DNM3: variants seen among roughly 807,000 people sequenced by gnomAD.
DNM3 encodes the protein dynamin-3.
DNM3 carries 47 observed loss-of-function variants against 101.6 expected under a neutral mutation model. That is an observed-to-expected ratio of 0.46 (90% CI 0.37 to 0.59). DNM3 has a LOEUF of 0.59. Ranked by LOEUF, DNM3 falls within the 20% of genes least tolerant of loss-of-function variation. The probability of loss-of-function intolerance (pLI) is 0.00; values close to 1 mark genes in which losing one functional copy is unlikely to be tolerated. For synonymous variants in DNM3, 385 were observed against 387.9 expected, an observed-to-expected ratio of 0.99 and a Z score of 0.09; for missense variants, 849 against 1,085.7, an observed-to-expected ratio of 0.78 and a Z score of 3.06.
At chr1:172,329,949 C>G (rs575646474) in intron 17 of DNM3, among the ~76,000 whole-genome samples, 178 of 152,222 alleles carry the variant, frequency 1.2e-3, no homozygotes, top group African/African-American at 4.0e-3. Flanking sequence ...CATGATTGGG[C>G]TTTCAGATTA....
At chr1:172,053,681 G>C (rs568501126) in intron 10 of DNM3, among the ~76,000 whole-genome samples, 1 of 152,036 alleles carries the variant, frequency 6.6e-6, no homozygotes, top group African/African-American at 2.4e-5. Context: ...ATATATACTT[G>C]GTTTTAAAAT....
intron 2 of DNM3, among the ~76,000 whole-genome samples, chr1:171,930,897 A>G (rs1571678346): frequency 6.6e-6 from 1 of 152,194 alleles, no homozygotes; most frequent in East Asian, 1.9e-4. Context: ...GTGATGAACA[A>G]TCCAAAAACG....
intron 20 of DNM3, among the ~76,000 whole-genome samples, chr1:172,400,393 G>A (rs2070384057): frequency 6.6e-6 from 1 of 152,072 alleles, no homozygotes; most frequent in East Asian, 1.9e-4. Context: ...AAGGAGGGGG[G>A]ATAGAAGGGA....
intron 20 of DNM3, among the ~76,000 whole-genome samples, chr1:172,391,925 G>A (rs1284040636): frequency 6.6e-6 from 1 of 152,126 alleles, no homozygotes; most frequent in East Asian, 1.9e-4. Context: ...GATAATTCAC[G>A]ACTTCATTAG....
intron 14 of DNM3, among the ~76,000 whole-genome samples, chr1:172,213,675 A>G (rs1262967242): frequency 6.6e-6 from 1 of 151,924 alleles, no homozygotes; most frequent in African/African-American, 2.4e-5. Flanking sequence ...TGAAAAAGCA[A>G]AAAATTAGCG....
chr1:172,074,302 A>ACAT (rs1332894861), intron 11 of DNM3, among the ~76,000 whole-genome samples: 1 of 152,008 alleles, frequency 6.6e-6, no homozygotes, highest in Non-Finnish European at 1.5e-5. Context: ...CAAAGATCTG[A>ACAT]CATTATTATT....
chr1:172,268,021 A>G (rs886300785), intron 15 of DNM3, among the ~76,000 whole-genome samples: 4 of 152,092 alleles, frequency 2.6e-5, no homozygotes, highest in African/African-American at 9.7e-5. Context: ...CAGGTTTTCT[A>G]TTAGTTTTAA....
At chr1:172,017,627 A>G (rs1439117255) in intron 4 of DNM3, among the ~76,000 whole-genome samples, 2 of 152,312 alleles carry the variant, frequency 1.3e-5, no homozygotes, top group East Asian at 1.9e-4. Context: ...GTGAGTGTCC[A>G]TGAACTTAGT....
chr1:172,159,290 AC>A (rs535382190), intron 14 of DNM3, among the ~76,000 whole-genome samples: 178 of 152,136 alleles, frequency 1.2e-3, no homozygotes, highest in African/African-American at 4.0e-3. Flanking sequence ...TTTGCCTCAC[AC>A]TTTTTAAATG....
At position 172,032,484 on chromosome 1, in the gene DNM3, G is replaced by T; in HGVS notation, c.672G>T (p.Leu224=). Residue 224 remains leucine (L), a synonymous_variant, in exon 5 of 21, where the codon CTG becomes CTT. Transcript: ENST00000627582. ...TDARDVLENK[L]LPLRRGYVGV... ...CCAGGGATGTTCTAGAGAACAAACT[G>T]TTGCCTCTTCGCAGGGGTAATGTAC... 3 of 1,541,966 alleles carry T rather than the reference G, an allele frequency of 1.9e-6. No individual in the cohort carries two copies. The highest frequency in any genetic ancestry group is 2.6e-6 in the Non-Finnish European group (3 of 1,132,084).
Position 171,944,854 on chromosome 1 carries a change from C to CTTTTTTTTTTTTTTT in DNM3, c.235+23033_235+23034insTTTTTTTTTTTTTTT, listed in dbSNP as rs1491537348. On this transcript the variant is annotated intron_variant, in intron 2 of 20. Transcript: ENST00000627582. ...TTTGTTTTCTTTTTTTTTGGTGTTTCCTTTTTTTTTTTTTTTTTTTTTTTT... is the reference window on the plus strand; with the variant it reads ...TTTGTTTTCTTTTTTTTTGGTGTTTCTTTTTTTTTTTTTTTCTTTTTTTTTTTTTTTTTTTTTTTT... 1.9e-4 allele frequency among the ~76,000 whole-genome samples: 7 copies of CTTTTTTTTTTTTTTT among 37,586 alleles called. 3 individuals are homozygous for CTTTTTTTTTTTTTTT. Among genetic ancestry groups the CTTTTTTTTTTTTTTT allele is most frequent in the South Asian group, 2.1e-3 (2 of 960 alleles). 24.7% of individuals were successfully genotyped at this position (37,586 alleles called of 152,430 possible).
chr1:171,995,096 GTTTTTTTTTT>G (rs35925537), intron 4 of DNM3, among the ~76,000 whole-genome samples: 1 of 49,636 alleles, frequency 2.0e-5, no homozygotes, highest in Non-Finnish European at 3.7e-5. Context: ...TGAAATCCAG[GTTTTTTTTTT>G]TTTTTTTTTT....
At chr1:172,352,536 C>T (rs1208917276) in intron 17 of DNM3, among the ~76,000 whole-genome samples, 4 of 152,118 alleles carry the variant, frequency 2.6e-5, no homozygotes, top group Non-Finnish European at 4.4e-5. Context: ...ACAAACTATA[C>T]TAAAATTGAG....
At chr1:171,944,523 G>A (rs1276618544) in intron 2 of DNM3, among the ~76,000 whole-genome samples, 1 of 151,772 alleles carries the variant, frequency 6.6e-6, no homozygotes, top group African/African-American at 2.4e-5. Context: ...ACAAGCGTGT[G>A]CCATCATGCC....
chr1:172,258,314 T>C (rs2062502344), intron 15 of DNM3, among the ~76,000 whole-genome samples: 1 of 152,120 alleles, frequency 6.6e-6, no homozygotes, highest in Non-Finnish European at 1.5e-5. Flanking sequence ...ACGAAGTAGT[T>C]CTAGTTTTAG....
chr1:171,860,307 AAC>A (rs2034040460), intron 1 of DNM3, among the ~76,000 whole-genome samples: 1 of 152,160 alleles, frequency 6.6e-6, no homozygotes, highest in South Asian at 2.1e-4. Flanking sequence ...AAATTTTGTG[AAC>A]TTTAAATATA....
At chr1:172,352,105 C>T (rs1002470948) in intron 17 of DNM3, among the ~76,000 whole-genome samples, 1 of 152,206 alleles carries the variant, frequency 6.6e-6, no homozygotes, top group African/African-American at 2.4e-5. Context: ...TACTGGACTT[C>T]ATTCCACTGG....
At chr1:172,122,709 G>T (rs1392846208) in intron 13 of DNM3, among the ~76,000 whole-genome samples, 2 of 152,122 alleles carry the variant, frequency 1.3e-5, no homozygotes, top group Non-Finnish European at 2.9e-5. Context: ...GTGCGTTAAG[G>T]GTGGGGGCTC....
chr1:172,214,121 A>T (rs1325003419), intron 14 of DNM3, among the ~76,000 whole-genome samples: 1 of 152,140 alleles, frequency 6.6e-6, no homozygotes, highest in East Asian at 1.9e-4. Flanking sequence ...ATTACAGCTG[A>T]CAGAAAGCAT....
Sources: gnomAD v4.1 joint callset for allele counts (sites outside exome capture counted in the v4.1 genomes callset) on GRCh38, gnomAD v4.1.1 for gene constraint, MANE v1.5 for transcripts, NCBI Gene and HGNC (gene_info 2026-07-23, HGNC 2026-07-21) for gene names.